Variants in COL13A1 observed in about 807,000 individuals in gnomAD.
COL13A1 encodes collagen type XIII alpha 1 chain.
In COL13A1, 89 loss-of-function variants were observed where a neutral mutation model predicts 130.9. The ratio of observed to expected loss-of-function variants is 0.68; its 90% CI spans 0.57 to 0.81. The LOEUF (loss-of-function observed/expected upper bound fraction) is 0.81, where lower values mean the gene tolerates loss of function less well. COL13A1 is among the 30% of genes least tolerant of loss of function. The pLI is 0.00. For synonymous variants in COL13A1, 402 were observed against 341.6 expected (o/e 1.18, Z -1.95); for missense variants, 879 against 934.6 (o/e 0.94, Z 0.78).
In COL13A1 at chr10:69,910,657, C is replaced by T. The variant is rs111677752; in HGVS notation, c.921+4835C>T. Among the ~76,000 whole-genome samples, 480 of 152,312 alleles carry T rather than the reference C, an allele frequency of 3.2e-3. 4 individuals carry two copies. The highest frequency in any genetic ancestry group is 0.011 in the African/African-American group (457 of 41,574). On this transcript the variant is annotated intron_variant, in intron 17 of 40. Coordinates refer to ENST00000645393, the MANE Select transcript of COL13A1 (RefSeq NM_001368882.1). ...GGCCAGCCCTCCTGCCTAGACACTG[C>T]GAGTATTGTTGTGCACCCATGTGGT...
At chr10:69,829,163 C>G in intron 2 of COL13A1, 2 of 884,402 alleles carry the variant, frequency 2.3e-6, no homozygotes, top group Non-Finnish European at 2.7e-6. Context: ...CCTCACACCC[C>G]GTCAATCACC....
intron 23 of COL13A1, 48 bp from the exon 24 acceptor site, chr10:69,923,754 G>A: frequency 6.3e-7 from 1 of 1,588,218 alleles, no homozygotes; most frequent in Non-Finnish European, 8.6e-7. Context: ...ATAAGCAGCT[G>A]TCCAGGTGCC....
chr10:69,851,444 A>G (rs994127604), intron 2 of COL13A1, among the ~76,000 whole-genome samples: 2 of 151,938 alleles, frequency 1.3e-5, no homozygotes, highest in Admixed American at 6.5e-5. Context: ...GCTTCATTTC[A>G]TGTCCATTTA....
intron 2 of COL13A1, among the ~76,000 whole-genome samples, chr10:69,847,400 C>A (rs552836235): frequency 1.4e-4 from 21 of 152,340 alleles, no homozygotes; most frequent in Non-Finnish European, 2.2e-4. Context: ...TGACCTACTG[C>A]AATCTATTAA....
chr10:69,896,560 G>C (rs1054293656), intron 13 of COL13A1, among the ~76,000 whole-genome samples: 1 of 152,198 alleles, frequency 6.6e-6, no homozygotes, highest in Non-Finnish European at 1.5e-5. Flanking sequence ...GCGATTTTGG[G>C]AGTGGAGACA....
In COL13A1 at chr10:69,810,347, T is replaced by TGAGA. The variant is rs55816117; in HGVS notation, c.294+7661_294+7664dup. 3.0e-3 allele frequency among the ~76,000 whole-genome samples: 363 copies of TGAGA among 119,830 alleles called. 15 individuals carry two copies. Among genetic ancestry groups the TGAGA allele is most frequent in the East Asian group, 0.016 (62 of 3,930 alleles). 78.6% of individuals were successfully genotyped at this position (119,830 alleles called of 152,430 possible). On this transcript the variant is annotated intron_variant, in intron 1 of 40. Coordinates refer to ENST00000645393, the MANE Select transcript of COL13A1 (RefSeq NM_001368882.1). ...GGCTGGACCTGGCAGGCCCTGAGAA[T>TGAGA]GAGAGAGAGAGAGAGAGAGAGAGAG...
At chr10:69,945,022 C>A (rs1367773964) in intron 36 of COL13A1, among the ~76,000 whole-genome samples, 2 of 152,174 alleles carry the variant, frequency 1.3e-5, no homozygotes, top group Non-Finnish European at 2.9e-5. Flanking sequence ...ATGGGCATGT[C>A]CGAGGGTGAG....
intron 2 of COL13A1, among the ~76,000 whole-genome samples, chr10:69,862,043 A>C (rs1858268766): frequency 6.6e-6 from 1 of 152,178 alleles, no homozygotes; most frequent in South Asian, 2.1e-4. Context: ...CACCATGGCC[A>C]ATTTCCAGCT....
rs1840195771 is a variant in COL13A1, at chr10:69,802,244, G to T, written c.-180G>T. On this transcript the variant is annotated 5_prime_UTR_variant, in exon 1 of 41. Transcript: ENST00000645393. ...CAATTACCGCTGGTTGTGCTTTTTC[G>T]GCACTTCCTCTCCTACTGCTAATTT... 7.3e-6 allele frequency: 5 copies of T among 687,058 alleles called. No homozygotes were observed. Among genetic ancestry groups the T allele is most frequent in the Middle Eastern group, 4.4e-4 (1 of 2,288 alleles). The allele number at this position is 687,058 out of a possible 1,614,324, so 42.6% of individuals were successfully genotyped here.
chr10:69,848,747 C>T (rs1042031347), intron 2 of COL13A1, among the ~76,000 whole-genome samples: 1 of 152,222 alleles, frequency 6.6e-6, no homozygotes, highest in Non-Finnish European at 1.5e-5. Context: ...ATGCCCTCCC[C>T]TTATGAAAAC....
chr10:69,829,976 T>C (rs909259546), intron 2 of COL13A1, among the ~76,000 whole-genome samples: 2 of 152,200 alleles, frequency 1.3e-5, no homozygotes, highest in Admixed American at 6.5e-5. Flanking sequence ...CTAGATCCGC[T>C]CTGATAACAC....
At chr10:69,809,998 C>T (rs950627019) in intron 1 of COL13A1, among the ~76,000 whole-genome samples, 19 of 152,216 alleles carry the variant, frequency 1.2e-4, no homozygotes, top group Non-Finnish European at 2.8e-4. Context: ...CCTATTTGAT[C>T]ACTCTGCCTT....
intron 2 of COL13A1, among the ~76,000 whole-genome samples, chr10:69,861,426 G>T (rs2894303): frequency 1.3e-5 from 2 of 151,928 alleles, no homozygotes; most frequent in Non-Finnish European, 2.9e-5. Context: ...TTCCTTGCTC[G>T]TACATTCCAG....
intron 2 of COL13A1, among the ~76,000 whole-genome samples, chr10:69,862,207 G>C (rs1858325729): frequency 1.3e-5 from 2 of 152,154 alleles, no homozygotes; most frequent in African/African-American, 4.8e-5. Flanking sequence ...TCTGTGAATA[G>C]CACTAGACCA....
At chr10:69,856,448 T>C (rs1856456765) in intron 2 of COL13A1, among the ~76,000 whole-genome samples, 1 of 152,158 alleles carries the variant, frequency 6.6e-6, no homozygotes, top group Non-Finnish European at 1.5e-5. Context: ...CTCCCTCAAC[T>C]CTTCTTAGAG....
At chr10:69,911,936 T>C (rs1445592129) in intron 17 of COL13A1, among the ~76,000 whole-genome samples, 1 of 152,218 alleles carries the variant, frequency 6.6e-6, no homozygotes, top group Admixed American at 6.5e-5. Flanking sequence ...CTGTAGGACC[T>C]GAGTAGCCCA....
chr10:69,802,845 G>C, intron 1 of COL13A1, 128 bp downstream of exon 1: 1 of 1,205,108 alleles, frequency 8.3e-7, no homozygotes, highest in Non-Finnish European at 1.2e-6. Context: ...AGTTGCCTGC[G>C]GGAGGGGTCG....
intron 22 of COL13A1, 147 bp from the exon 23 acceptor site, chr10:69,922,561 A>G (rs1589537399): frequency 1.9e-6 from 1 of 528,890 alleles, no homozygotes; most frequent in East Asian, 3.2e-5. Context: ...TCTCTCTTCA[A>G]ATCCCACAGC....
chr10:69,882,616 T>C (rs2060252126), intron 7 of COL13A1, among the ~76,000 whole-genome samples: 1 of 152,230 alleles, frequency 6.6e-6, no homozygotes, highest in Non-Finnish European at 1.5e-5. Context: ...TAGTAAGTTC[T>C]GGAGCTTGGG....
Sources: gnomAD v4.1 joint callset for allele counts (sites outside exome capture counted in the v4.1 genomes callset) on GRCh38, gnomAD v4.1.1 for gene constraint, MANE v1.5 for transcripts, NCBI Gene and HGNC (gene_info 2026-07-23, HGNC 2026-07-21) for gene names.